The following DNM1 variants were observed in gnomAD, a reference collection of about 807,000 sequenced individuals.
DNM1 encodes the protein dynamin-1.
Under a neutral mutation model 104.6 loss-of-function variants are expected in DNM1, and 29 were observed. The ratio of observed to expected loss-of-function variants is 0.28; its 90% CI spans 0.21 to 0.38. The LOEUF is 0.38. DNM1 is among the 10% of genes least tolerant of loss of function. The probability of loss-of-function intolerance (pLI) is 1.00; values close to 1 mark genes in which losing one functional copy is unlikely to be tolerated. For missense variants in DNM1, 640 were observed against 1,189.4 expected (o/e 0.54, Z 6.79); for synonymous variants, 445 against 475.8 (o/e 0.94, Z 0.84).
chr9:128,247,867 TC>T lies in DNM1; in HGVS notation c.1894-56del. The T allele has an allele frequency of 6.2e-7, 1 of 1,604,284 alleles. No individual in the cohort carries two copies. The highest frequency in any genetic ancestry group is 1.3e-5 in the African/African-American group (1 of 74,700). ...TCCCCTTTTCCTCTCTGTGTTTCCT[TC>T]GGCTGTGCTCCCTGGTGGTGGCGGC... is the stretch of plus-strand genomic sequence containing the variant. On this transcript the variant is annotated intron_variant, in intron 17 of 21. Coordinates refer to ENST00000372923, the MANE Select transcript of DNM1 (RefSeq NM_004408.4). The surrounding 1 kb of genome is among the most constrained non-coding windows in gnomAD (Gnocchi z 5.1).
Position 128,222,079 on chromosome 9 carries a change from G to T in DNM1, c.850-118G>T. The T allele has an allele frequency of 3.2e-6, 4 of 1,260,520 alleles. No homozygotes were observed. The highest frequency in any genetic ancestry group is 3.3e-6 in the Non-Finnish European group (3 of 917,596). The allele number at this position is 1,260,520 out of a possible 1,614,324, so 78.1% of individuals were successfully genotyped here. On this transcript the variant is annotated intron_variant, in intron 6 of 21. Coordinates refer to ENST00000372923, the MANE Select transcript of DNM1 (RefSeq NM_004408.4). This position sits in a 1 kb window ranked among gnomAD's most constrained non-coding sequence, Gnocchi z 7.8. ...CTTGCTAGTGGCCCGGGCAGCAGTGGCAGGGCTGCCCTCCATAGCTCTCCA... is the reference window on the plus strand; with the variant it reads ...CTTGCTAGTGGCCCGGGCAGCAGTGTCAGGGCTGCCCTCCATAGCTCTCCA...
chr9:128,250,021 C>T (rs965489706), intron 19 of DNM1, 94 bp from the exon 20 acceptor site: 2 of 1,588,648 alleles, frequency 1.3e-6, no homozygotes, highest in Non-Finnish European at 1.7e-6. Flanking sequence ...TCTGAAAAGC[C>T]ACACCAGCTC....
intron 10 of DNM1, among the ~76,000 whole-genome samples, chr9:128,225,093 C>G (rs1209960737): frequency 2.0e-5 from 3 of 152,124 alleles, no homozygotes. Context: ...CACTGAAGCT[C>G]CAGGAGATCA....
At chr9:128,225,655 G>C (rs897940517) in intron 10 of DNM1, among the ~76,000 whole-genome samples, 2 of 152,156 alleles carry the variant, frequency 1.3e-5, no homozygotes, top group Non-Finnish European at 2.9e-5. Flanking sequence ...GGACAAAGAC[G>C]GCACTGGGAG....
At chr9:128,228,902 G>A (rs1446266945) in intron 10 of DNM1, among the ~76,000 whole-genome samples, 3 of 151,950 alleles carry the variant, frequency 2.0e-5, no homozygotes, top group African/African-American at 7.3e-5. Context: ...AGAATCGCTT[G>A]AACCTGGGAG....
In DNM1 at chr9:128,251,948, G is replaced by T. The variant is rs558171649; in HGVS notation, c.2534+1008G>T. 1.9e-5 allele frequency: 3 copies of T among 158,204 alleles called. No homozygotes were observed. In the East Asian group the frequency reaches 5.7e-4, roughly 30 times the overall value. The allele number at this position is 158,204 out of a possible 1,614,324, so 9.8% of individuals were successfully genotyped here. ...TCTAGCACCCATAAACCAAAATGAG[G>T]CAGGGATTGGGGCTTGCCCTATGAT... is the stretch of plus-strand genomic sequence containing the variant. On this transcript the variant is annotated intron_variant, in intron 21 of 21. Transcript: ENST00000372923.
chr9:128,252,887 G>A (rs1033827862), intron 21 of DNM1: 18 of 685,240 alleles, frequency 2.6e-5, no homozygotes, highest in South Asian at 7.7e-5. Flanking sequence ...TGCACGCGCC[G>A]CCGGCCAGTG....
intron 13 of DNM1, 63 bp downstream of exon 13, chr9:128,239,842 A>T: frequency 6.3e-7 from 1 of 1,578,060 alleles, no homozygotes; most frequent in Non-Finnish European, 8.7e-7. Flanking sequence ...CCAGACTCTG[A>T]GAGCCCCCTC....
Position 128,218,578 on chromosome 9 carries a change from G to C in DNM1, c.236-4G>C, listed in dbSNP as rs1434468116. ...TGCCCTTCCCCTGCCCGCTTCTGGAGCAGAATATGCCGAGTTCCTGCACTG... is the reference window on the plus strand; with the variant it reads ...TGCCCTTCCCCTGCCCGCTTCTGGACCAGAATATGCCGAGTTCCTGCACTG... On this transcript the variant is annotated splice_polypyrimidine_tract_variant and splice_region_variant and intron_variant, in intron 2 of 21. Transcript: ENST00000372923. The surrounding 1 kb of genome is among the most constrained non-coding windows in gnomAD (Gnocchi z 4.8). 6.2e-7 allele frequency: 1 copy of C among 1,607,416 alleles called. No homozygotes were observed. Among genetic ancestry groups the C allele is most frequent in the African/African-American group, 1.3e-5 (1 of 74,828 alleles).
chr9:128,205,225 A>C (rs1475387110), intron 1 of DNM1, among the ~76,000 whole-genome samples: 3 of 152,322 alleles, frequency 2.0e-5, no homozygotes, highest in East Asian at 3.9e-4. Context: ...CCAGCAGTTT[A>C]GAATGGAGAA....
At chr9:128,235,556 C>T (rs1033237334) in intron 11 of DNM1, among the ~76,000 whole-genome samples, 1 of 152,048 alleles carries the variant, frequency 6.6e-6, no homozygotes, top group Non-Finnish European at 1.5e-5. Context: ...ATGGATGGAC[C>T]ACACTTTGTT....
chr9:128,227,304 G>A (rs371568201), intron 10 of DNM1, among the ~76,000 whole-genome samples: 12 of 149,290 alleles, frequency 8.0e-5, no homozygotes, highest in East Asian at 4.0e-4. Flanking sequence ...ATGAGCCACC[G>A]CGCATTCTTT....
At chr9:128,242,817 G>A (rs1588433824) in intron 15 of DNM1, among the ~76,000 whole-genome samples, 1 of 152,156 alleles carries the variant, frequency 6.6e-6, no homozygotes, top group Non-Finnish European at 1.5e-5. Context: ...AGGTGACCCT[G>A]GGGGTTCAGG....
rs749382749 is a variant in DNM1, at chr9:128,250,225, G to A, written c.2187G>A (p.Leu729=). ...AEQAQRRDEM[L]RMYHALKEAL... Reference sequence around the variant, plus strand: ...AGGCACAGCGGCGCGACGAGATGCTGCGCATGTACCACGCACTGAAGGAGG... The same window carrying A: ...AGGCACAGCGGCGCGACGAGATGCTACGCATGTACCACGCACTGAAGGAGG... The change falls in exon 20 of 22, where the codon CTG becomes CTA. Residue 729 remains leucine, a synonymous_variant. Coordinates refer to ENST00000372923, the MANE Select transcript of DNM1 (RefSeq NM_004408.4). The A allele has an allele frequency of 1.9e-6, 3 of 1,614,056 alleles. No homozygotes were observed. Among genetic ancestry groups the A allele is most frequent in the African/African-American group, 2.7e-5 (2 of 74,956 alleles).
intron 15 of DNM1, among the ~76,000 whole-genome samples, chr9:128,244,242 G>A (rs1247336642): frequency 6.6e-6 from 1 of 151,806 alleles, no homozygotes; most frequent in Non-Finnish European, 1.5e-5. Context: ...GTGAGGGTGT[G>A]TATGGGTGTG....
rs1263582663 is a variant in DNM1, at chr9:128,246,405, G to A, written c.1683G>A (p.Lys561=). The change falls in exon 16 of 22, where the codon AAG becomes AAA. Residue 561 remains lysine (K), a synonymous_variant. Transcript: ENST00000372923. ...SWYKDDEEKE[K]KYMLSVDNLK... Reference sequence around the variant, plus strand: ...ACCTGCACCCACAGGAGAAAGAGAAGAAATACATGCTGTCTGTGGACAACC... The same window carrying A: ...ACCTGCACCCACAGGAGAAAGAGAAAAAATACATGCTGTCTGTGGACAACC... 23 of 1,613,710 alleles carry A rather than the reference G, an allele frequency of 1.4e-5. No homozygotes were observed. Among genetic ancestry groups the A allele is most frequent in the Non-Finnish European group, 1.9e-5 (22 of 1,179,724 alleles).
chr9:128,215,418 G>A (rs1424330069), intron 1 of DNM1, among the ~76,000 whole-genome samples: 3 of 152,256 alleles, frequency 2.0e-5, no homozygotes, highest in East Asian at 1.9e-4. Context: ...GATGCAGGCC[G>A]CGTGAGGGCC....
chr9:128,252,764 A>G, intron 21 of DNM1: 1 of 594,232 alleles, frequency 1.7e-6, no homozygotes, highest in Admixed American at 2.1e-5. Flanking sequence ...ACCAGGCACG[A>G]GTGTGCAGGG....
chr9:128,254,529 C>CCCCTCCCCGG lies in DNM1; in HGVS notation c.2535-117_2535-108dup, dbSNP rs1829729072. 2 of 1,558,094 alleles carry CCCCTCCCCGG rather than the reference C, an allele frequency of 1.3e-6. No homozygotes were observed. Among genetic ancestry groups the CCCCTCCCCGG allele is most frequent in the East Asian group, 4.7e-5 (2 of 42,658 alleles). On this transcript the variant is annotated intron_variant, in intron 21 of 21. Transcript: ENST00000372923. The surrounding 1 kb of genome is among the most constrained non-coding windows in gnomAD (Gnocchi z 6.1). Reference sequence around the variant, plus strand: ...CTTGCCACACCCACACCTGCAGCCTCCCCTCCCCGGCCCTCCCACCACTGC... The same window carrying CCCCTCCCCGG: ...CTTGCCACACCCACACCTGCAGCCTCCCCTCCCCGGCCCTCCCCGGCCCTCCCACCACTGC...
Sources: gnomAD v4.1 joint callset for allele counts (sites outside exome capture counted in the v4.1 genomes callset) on GRCh38, gnomAD v4.1.1 for gene constraint, Gnocchi (gnomAD v3.1) non-coding constraint, MANE v1.5 for transcripts, NCBI Gene and HGNC (gene_info 2026-07-23, HGNC 2026-07-21) for gene names.